Variants in DENND2C observed in about 807,000 individuals in gnomAD.
The protein encoded by DENND2C is DENN domain-containing protein 2C.
DENND2C carries 72 observed loss-of-function variants against 112.4 expected under a neutral mutation model. The observed-to-expected ratio is 0.64, with a 90% CI of 0.53 to 0.78. The LOEUF (loss-of-function observed/expected upper bound fraction) is 0.78, where lower values mean the gene tolerates loss of function less well. Among genes scored for constraint, DENND2C ranks in the 30% least tolerant of loss-of-function variants. The pLI, the probability that DENND2C is intolerant of heterozygous loss-of-function variation, is 0.00. For synonymous variants in DENND2C, 329 were observed against 381.6 expected (o/e 0.86, Z 1.61); for missense variants, 992 against 1,113.8 (o/e 0.89, Z 1.56).
rs1019667970 is a variant in DENND2C, at chr1:114,602,130, G to A, written c.1732C>T (p.Leu578Phe). 8 of 1,613,616 alleles carry A rather than the reference G, an allele frequency of 5.0e-6. No homozygotes were observed. Among genetic ancestry groups the A allele is most frequent in the Non-Finnish European group, 6.8e-6 (8 of 1,179,852 alleles). The change falls in exon 12 of 21, where the codon CTC (leucine) becomes TTC (phenylalanine). Residue 578 changes from leucine (L) to phenylalanine (F), a missense_variant. Transcript: ENST00000393274. ...GSRWFGYCKK[L>F]LPVGKGKRLP... ...AACACAAATCTGATACTTACCAAGA[G>A]CTTCTTACAGTAACCAAACCACCGG...
intron 3 of DENND2C, among the ~76,000 whole-genome samples, chr1:114,637,529 T>G (rs531423995): frequency 3.7e-4 from 56 of 152,176 alleles, no homozygotes; most frequent in East Asian, 2.1e-3. Flanking sequence ...GATTTTTTTT[T>G]TTGTTGAGAC....
intron 14 of DENND2C, 115 bp downstream of exon 14, chr1:114,600,705 A>G: frequency 7.5e-7 from 1 of 1,329,264 alleles, no homozygotes. Flanking sequence ...AATAAAACAT[A>G]TTCTTTACAG....
intron 1 of DENND2C, among the ~76,000 whole-genome samples, chr1:114,667,556 T>C (rs1024361169): frequency 6.6e-6 from 1 of 152,178 alleles, no homozygotes; most frequent in East Asian, 1.9e-4. Context: ...TGTCATTCAC[T>C]GGCAACAATA....
At chr1:114,591,121 A>T (rs1269645059) in intron 18 of DENND2C, among the ~76,000 whole-genome samples, 1 of 151,288 alleles carries the variant, frequency 6.6e-6, no homozygotes, top group Non-Finnish European at 1.5e-5. Context: ...ACACATCAAC[A>T]CTCCTGGCTA....
At position 114,600,829 on chromosome 1, in the gene DENND2C, A is replaced by C; in HGVS notation, c.1947T>G (p.Ala649=). Residue 649 remains alanine (A), a synonymous_variant, in exon 14 of 21, where the codon GCT becomes GCG. Transcript: ENST00000393274. ...AAATGAGCTAACTTACCTCATCTCC[A>C]GCCCCAGGGAGGTAACTCTTAACTG... ...TITVKSYLPG[A]GDESIELCRP... The C allele has an allele frequency of 6.2e-7, 1 of 1,611,684 alleles. No homozygotes were observed. The highest frequency in any genetic ancestry group is 8.5e-7 in the Non-Finnish European group (1 of 1,179,184).
In DENND2C at chr1:114,599,448, G is replaced by A; in HGVS notation, c.2109C>T (p.Thr703=). Residue 703 remains threonine (T), a synonymous_variant, in exon 16 of 21, where the codon ACC becomes ACT. Transcript: ENST00000393274. ...CCACAGCATGGCCACATTTTGACAGGGTGCTAGCCAGAGGAGAAAACAAAT... is the reference window on the plus strand; with the variant it reads ...CCACAGCATGGCCACATTTTGACAGAGTGCTAGCCAGAGGAGAAAACAAAT... ...RVIFVANSLS[T]LSKCGHAVVA... 2.5e-6 allele frequency: 4 copies of A among 1,612,242 alleles called. No homozygotes were observed. Among genetic ancestry groups the A allele is most frequent in the Non-Finnish European group, 3.4e-6 (4 of 1,178,984 alleles).
At chr1:114,616,008 G>A (rs954017471) in intron 8 of DENND2C, among the ~76,000 whole-genome samples, 9 of 152,146 alleles carry the variant, frequency 5.9e-5, no homozygotes, top group Non-Finnish European at 1.2e-4. Context: ...CCGGGAGGCG[G>A]AGCTTGCAGT....
chr1:114,613,416 ATTCT>A (rs1468837104), intron 8 of DENND2C, among the ~76,000 whole-genome samples: 1 of 152,230 alleles, frequency 6.6e-6, no homozygotes, highest in African/African-American at 2.4e-5. Context: ...AATGCTGCCT[ATTCT>A]TAAGATAGGT....
At chr1:114,622,926 CT>C in intron 6 of DENND2C, 60 bp downstream of exon 6, 1 of 1,341,996 alleles carries the variant, frequency 7.5e-7, no homozygotes. Flanking sequence ...TCCCCTTAAT[CT>C]TTTTGTAGAT....
At position 114,587,892 on chromosome 1, in the gene DENND2C, C is replaced by T; in HGVS notation, c.2492G>A (p.Gly831Glu). The T allele has an allele frequency of 6.2e-7, 1 of 1,614,112 alleles. No individual in the cohort carries two copies. The highest frequency in any genetic ancestry group is 1.1e-5 in the South Asian group (1 of 91,074). ...GACAGTCATGTTCAAAGAATAATGT[C>T]CTACCAACTCCACAAAAAACCTGAC... is the stretch of plus-strand genomic sequence containing the variant. ...AFVRFFVELV[G>E]HYSLNMTVTE... The change falls in exon 19 of 21, where the codon GGA becomes GAA. Residue 831 changes from glycine to glutamate, a missense_variant. This residue lies in a region of DENND2C where 516 missense variants were observed against 623.6 expected (regional missense o/e 0.83). Coordinates refer to ENST00000393274, the MANE Select transcript of DENND2C (RefSeq NM_001256404.2).
chr1:114,621,758 A>T (rs917738160), intron 7 of DENND2C, 137 bp downstream of exon 7: 3 of 1,184,072 alleles, frequency 2.5e-6, no homozygotes, highest in Non-Finnish European at 3.5e-6. Context: ...AATTTAAAAC[A>T]TAACGCTGCC....
intron 16 of DENND2C, among the ~76,000 whole-genome samples, chr1:114,598,750 C>T (rs775094622): frequency 6.6e-6 from 1 of 152,154 alleles, no homozygotes; most frequent in South Asian, 2.1e-4. Context: ...GGCATGATCT[C>T]GGCTCACTGC....
chr1:114,658,764 C>G (rs924941725), intron 1 of DENND2C, among the ~76,000 whole-genome samples: 1 of 151,888 alleles, frequency 6.6e-6, no homozygotes, highest in African/African-American at 2.4e-5. Context: ...GGCAGTACTA[C>G]TTTGCAACAG....
At chr1:114,620,748 G>A (rs1403662164) in intron 7 of DENND2C, among the ~76,000 whole-genome samples, 3 of 152,006 alleles carry the variant, frequency 2.0e-5, no homozygotes, top group African/African-American at 7.2e-5. Context: ...CACTAAGAGA[G>A]ATCAGTTTAG....
rs1656333981 is a variant in DENND2C, at chr1:114,626,043, T to C, written c.-59A>G. On this transcript the variant is annotated 5_prime_UTR_variant, in exon 4 of 21. Coordinates refer to ENST00000393274, the MANE Select transcript of DENND2C (RefSeq NM_001256404.2). The stretch of plus-strand genomic sequence containing the variant: ...TTACAAAGGTTCCATTACAAGTAAA[T>C]GTGAAATATTGTATTCTTTATCCTG... 7.0e-7 allele frequency: 1 copy of C among 1,420,500 alleles called. No homozygotes were observed. The highest frequency in any genetic ancestry group is 9.6e-7 in the Non-Finnish European group (1 of 1,040,828). 88.0% of individuals were successfully genotyped at this position (1,420,500 alleles called of 1,614,324 possible). A position where few individuals can be genotyped will look rare whatever the true frequency, so the allele number is the denominator to read the frequency against.
chr1:114,624,632 T>C (rs1253001063), intron 4 of DENND2C, among the ~76,000 whole-genome samples: 6 of 150,826 alleles, frequency 4.0e-5, no homozygotes, highest in Admixed American at 2.0e-4. Flanking sequence ...TTCTTTTTTT[T>C]TTTTTTTGAG....
chr1:114,612,603 T>A (rs1343852452), intron 8 of DENND2C, among the ~76,000 whole-genome samples: 1 of 150,202 alleles, frequency 6.7e-6, no homozygotes, highest in African/African-American at 2.5e-5. Flanking sequence ...CACTACAACC[T>A]CCACCTCCAG....
In DENND2C at chr1:114,584,994, A is replaced by G. The variant is rs1160634389; in HGVS notation, c.*606T>C. 1 of 152,180 alleles carries G rather than the reference A, an allele frequency of 6.6e-6. No homozygotes were observed. The highest frequency in any genetic ancestry group is 1.5e-5 in the Non-Finnish European group (1 of 68,042). 9.4% of individuals were successfully genotyped at this position (152,180 alleles called of 1,614,324 possible). ...GGAGTTGCAAGATGTCTAATTTTAT[A>G]AGGTACTTAATAACAGTACCTTATA... On this transcript the variant is annotated 3_prime_UTR_variant, in exon 21 of 21. Coordinates refer to ENST00000393274, the MANE Select transcript of DENND2C (RefSeq NM_001256404.2).
At chr1:114,601,707 C>T in intron 12 of DENND2C, 122 bp from the exon 13 acceptor site, 1 of 776,212 alleles carries the variant, frequency 1.3e-6, no homozygotes. Context: ...AGGCTCTCAT[C>T]TTTAGTGAAC....
Sources: gnomAD v4.1 joint callset for allele counts (sites outside exome capture counted in the v4.1 genomes callset) on GRCh38, gnomAD v4.1.1 for gene constraint, gnomAD v4.1.1 regional missense constraint, MANE v1.5 for transcripts, NCBI Gene and HGNC (gene_info 2026-07-23, HGNC 2026-07-21) for gene names.